Variants in CFAP57 observed in about 807,000 individuals in gnomAD.
CFAP57 encodes cilia- and flagella-associated protein 57.
CFAP57 carries 116 observed loss-of-function variants against 146.8 expected under a neutral mutation model. The observed-to-expected ratio is 0.79, with a 90% confidence interval of 0.68 to 0.92. The LOEUF is 0.92. Among genes scored for constraint, CFAP57 ranks in the 40% least tolerant of loss-of-function variants. The pLI, the probability that CFAP57 is intolerant of heterozygous loss-of-function variation, is 0.00. For synonymous variants in CFAP57, 518 were observed against 552.8 expected, an observed-to-expected ratio of 0.94 and a Z score of 0.88; for missense variants, 1,377 against 1,527.2, an observed-to-expected ratio of 0.90 and a Z score of 1.64.
At chr1:43,212,096 A>T (rs1644640555) in intron 11 of CFAP57, among the ~76,000 whole-genome samples, 1 of 152,226 alleles carries the variant, frequency 6.6e-6, no homozygotes, top group South Asian at 2.1e-4. Flanking sequence ...TGTATCCCTC[A>T]ATCAGTTTCC....
chr1:43,239,897 C>T (rs760222742), intron 21 of CFAP57, among the ~76,000 whole-genome samples: 10 of 152,158 alleles, frequency 6.6e-5, no homozygotes, highest in African/African-American at 1.7e-4. Context: ...TCATCTTATT[C>T]GGTTTGGTAT....
At chr1:43,176,617 C>T (rs748171867) in intron 2 of CFAP57, among the ~76,000 whole-genome samples, 1 of 152,178 alleles carries the variant, frequency 6.6e-6, no homozygotes, top group Non-Finnish European at 1.5e-5. Context: ...AATAGACACG[C>T]ACATATGCAC....
At chr1:43,177,355 T>G (rs889891065) in intron 2 of CFAP57, 1 of 381,716 alleles carries the variant, frequency 2.6e-6, no homozygotes, top group African/African-American at 2.1e-5. Context: ...GGCCTGAGCA[T>G]GGAAAGCATG....
At chr1:43,232,917 C>G (rs1032421994) in intron 19 of CFAP57, among the ~76,000 whole-genome samples, 2 of 152,196 alleles carry the variant, frequency 1.3e-5, no homozygotes, top group Admixed American at 1.3e-4. Flanking sequence ...AAAGTACGTG[C>G]TCAGAGAGGC....
chr1:43,175,492 T>TTTTTA (rs375677824), intron 2 of CFAP57, among the ~76,000 whole-genome samples: 29,861 of 150,696 alleles, frequency 0.2, 3,453 homozygotes, highest in Middle Eastern at 0.29. Flanking sequence ...TCCTTCCAGT[T>TTTTTA]TTTTATTTTA....
intron 2 of CFAP57, among the ~76,000 whole-genome samples, chr1:43,180,212 AT>A (rs1645338216): frequency 7.3e-6 from 1 of 137,498 alleles, no homozygotes; most frequent in Admixed American, 7.4e-5. Context: ...ATCTCAAAAA[AT>A]ATATATATTT....
chr1:43,234,788 C>A, intron 21 of CFAP57, 150 bp downstream of exon 21: 1 of 1,021,746 alleles, frequency 9.8e-7, no homozygotes, highest in Non-Finnish European at 1.4e-6. Flanking sequence ...TTTGGCTCCT[C>A]TCCTCTGAGC....
chr1:43,176,037 A>G (rs1378123931), intron 2 of CFAP57, among the ~76,000 whole-genome samples: 1 of 151,626 alleles, frequency 6.6e-6, no homozygotes, highest in Non-Finnish European at 1.5e-5. Flanking sequence ...TCCTAACTCC[A>G]TCTTATATCA....
rs963414473 is a variant in CFAP57 at position 43,186,967 on chromosome 1, G to A, written c.1122+108G>A. ...TCCAAATAAGTTAGCATAAACTCAT[G>A]CATCCCCTTAATACAGAGCAAAACA... On this transcript the variant is annotated intron_variant, in intron 6 of 22. Coordinates refer to ENST00000372492, the MANE Select transcript of CFAP57 (RefSeq NM_001378189.1). The A allele has an allele frequency of 3.0e-6, 4 of 1,349,618 alleles. No homozygotes were observed. The African/African-American group carries it at 4.3e-5, about 15-fold the overall frequency. 83.6% of individuals were successfully genotyped at this position (1,349,618 alleles called of 1,614,324 possible).
At position 43,181,867 on chromosome 1, in the gene CFAP57, C is replaced by T. The variant is rs1193381263; in HGVS notation, c.474+17C>T. On this transcript the variant is annotated intron_variant, in intron 3 of 22. Transcript: ENST00000372492. ...GTCTACCAGGTACCTAGTAGTGTGA[C>T]AAGTATCGTGAAAATTATAAAAAAT... 2 of 1,611,724 alleles carry T rather than the reference C, an allele frequency of 1.2e-6. No homozygotes were observed. The highest frequency in any genetic ancestry group is 2.7e-5 in the African/African-American group (2 of 74,852).
intron 21 of CFAP57, 137 bp downstream of exon 21, chr1:43,234,775 T>G: frequency 8.8e-7 from 1 of 1,142,240 alleles, no homozygotes; most frequent in Non-Finnish European, 1.2e-6. Context: ...CCTAAAGTCT[T>G]ATTTTGGCTC....
rs1235113584 is a variant in CFAP57 at position 43,238,635 on chromosome 1, A to G, written c.3405+3997A>G. Among the ~76,000 whole-genome samples, 1 of 152,162 alleles carries G rather than the reference A, an allele frequency of 6.6e-6. No homozygotes were observed. The highest frequency in any genetic ancestry group is 1.5e-5 in the Non-Finnish European group (1 of 68,020). ...TCCAAAGCAAAAACGGTCGACCTCA[A>G]TGTGACCTCGGGACCCCTCGGAACA... On this transcript the variant is annotated intron_variant, in intron 21 of 22. Transcript: ENST00000372492. The surrounding 1 kb of genome is among the most constrained non-coding windows in gnomAD (Gnocchi z 4.3).
intron 22 of CFAP57, 101 bp downstream of exon 22, chr1:43,243,460 T>C: frequency 7.7e-7 from 1 of 1,296,236 alleles, no homozygotes; most frequent in Non-Finnish European, 1.0e-6. Context: ...TCAGGTCCCA[T>C]CTACACATGG....
At chr1:43,214,623 G>C (rs566107813) in intron 11 of CFAP57, among the ~76,000 whole-genome samples, 3 of 152,082 alleles carry the variant, frequency 2.0e-5, no homozygotes, top group Non-Finnish European at 4.4e-5. Context: ...CATTTCTCTG[G>C]GATAAATGCC....
At chr1:43,208,636 G>C (rs997265281) in intron 10 of CFAP57, among the ~76,000 whole-genome samples, 3 of 152,154 alleles carry the variant, frequency 2.0e-5, no homozygotes, top group Admixed American at 2.0e-4. Context: ...ACACAACGGG[G>C]CCTGTCGTGG....
Position 43,222,867 on chromosome 1 carries a change from C to T in CFAP57, c.2576C>T (p.Thr859Ile). 2 of 1,549,698 alleles carry T rather than the reference C, an allele frequency of 1.3e-6. No homozygotes were observed. The highest frequency in any genetic ancestry group is 1.7e-6 in the Non-Finnish European group (2 of 1,146,548). The part of the protein sequence containing the change: ...VRQQLREFEE[T>I]KKQIEEDEDR... ...CAGCAGCTGCGGGAGTTTGAAGAGA[C>T]CAAGAAGCAGATTGAGGAAGATGAA... Residue 859 changes from threonine (T) to isoleucine (I), a missense_variant, in exon 16 of 23, where the codon ACC becomes ATC. Physicochemically the swap from Thr to Ile is moderately conservative, Grantham distance 89 (BLOSUM62 -1). Transcript: ENST00000372492.
intron 1 of CFAP57, 110 bp downstream of exon 1, chr1:43,172,563 G>GGGGTAGGGGAAA: frequency 1.3e-6 from 1 of 769,796 alleles, no homozygotes; most frequent in African/African-American, 2.2e-5. Flanking sequence ...GGAGGACCCC[G>GGGGTAGGGGAAA]GGGGAGGGGA....
chr1:43,241,219 C>A (rs1353831461), intron 21 of CFAP57, among the ~76,000 whole-genome samples: 1 of 152,200 alleles, frequency 6.6e-6, no homozygotes, highest in Non-Finnish European at 1.5e-5. Context: ...CCAAGCCCTT[C>A]ATGAGGAATC....
intron 9 of CFAP57, among the ~76,000 whole-genome samples, chr1:43,203,083 G>C (rs1354808755): frequency 1.3e-5 from 2 of 151,948 alleles, no homozygotes; most frequent in Non-Finnish European, 2.9e-5. Flanking sequence ...TGAGGCAGGA[G>C]AATGGCATGA....
Sources: allele counts gnomAD v4.1 joint callset (sites outside exome capture counted in the v4.1 genomes callset), GRCh38; gene constraint gnomAD v4.1.1; non-coding constraint Gnocchi (gnomAD v3.1); transcripts MANE v1.5; gene names NCBI Gene and HGNC (gene_info 2026-07-23, HGNC 2026-07-21).